GUCY2C: variants seen among roughly 807,000 people sequenced by gnomAD.
The protein encoded by GUCY2C is guanylyl cyclase C.
GUCY2C carries 118 observed loss-of-function variants against 131.1 expected under a neutral mutation model. The observed-to-expected ratio is 0.90, with a 90% CI of 0.78 to 1.05. GUCY2C has a LOEUF of 1.05. Ranked by LOEUF, GUCY2C falls within the 50% of genes least tolerant of loss-of-function variation. The pLI is 0.00. For synonymous variants in GUCY2C, 452 were observed against 457.8 expected, an observed-to-expected ratio of 0.99 and a Z score of 0.16; for missense variants, 1,161 against 1,304.4, an observed-to-expected ratio of 0.89 and a Z score of 1.69.
chr12:14,694,186 G>C (rs1006603151), intron 1 of GUCY2C, among the ~76,000 whole-genome samples: 1 of 152,170 alleles, frequency 6.6e-6, no homozygotes, highest in African/African-American at 2.4e-5. Flanking sequence ...GTTGTGAATG[G>C]TCTGGCTGGA....
intron 9 of GUCY2C, among the ~76,000 whole-genome samples, chr12:14,670,910 G>A (rs1592133210): frequency 6.6e-6 from 1 of 151,512 alleles, no homozygotes; most frequent in Admixed American, 6.6e-5. Context: ...ATGGTGGAGG[G>A]TGAAAGGCAC....
intron 10 of GUCY2C, among the ~76,000 whole-genome samples, chr12:14,668,426 CCCAAAGTG>C (rs1948030113): frequency 6.6e-6 from 1 of 152,118 alleles, no homozygotes; most frequent in South Asian, 2.1e-4. Context: ...ACTTCAGCCT[CCCAAAGTG>C]CTGGGATTAC....
At position 14,657,752 on chromosome 12, in the gene GUCY2C, C is replaced by G. The variant is rs183725205; in HGVS notation, c.1365-1135G>C. 6.8e-4 allele frequency among the ~76,000 whole-genome samples: 103 copies of G among 152,208 alleles called. 1 individual carries two copies. In the East Asian group the frequency reaches 0.018, roughly 26 times the overall value. ...GAGGTGGAACAGTTTCATCTCAAAA[C>G]TCTCCCCACCCCCAAAAATTGTTTT... On this transcript the variant is annotated intron_variant, in intron 11 of 26. Transcript: ENST00000261170.
At chr12:14,662,157 G>A (rs1947880814) in intron 10 of GUCY2C, among the ~76,000 whole-genome samples, 1 of 152,152 alleles carries the variant, frequency 6.6e-6, no homozygotes, top group Non-Finnish European at 1.5e-5. Flanking sequence ...GAATGTGTAA[G>A]AAGCTGGGAA....
At position 14,686,181 on chromosome 12, in the gene GUCY2C, T is replaced by G. The variant is rs1471281012; in HGVS notation, c.375A>C (p.Thr125=). Residue 125 remains threonine (T), a synonymous_variant, in exon 3 of 27, where the codon ACA becomes ACC. Transcript: ENST00000261170. ...CTTACTACATCTGGAAGGTGGAGTA[T>G]GTACATGAGGGCCCTATGAGGACAC... ...MGCVLIGPSC[T]YSTFQMYLDT... 1 of 1,603,230 alleles carries G rather than the reference T, an allele frequency of 6.2e-7. No homozygotes were observed. Among genetic ancestry groups the G allele is most frequent in the Non-Finnish European group, 8.5e-7 (1 of 1,170,104 alleles).
In GUCY2C at chr12:14,688,965, C is replaced by T. The variant is rs975769192; in HGVS notation, c.218-902G>A. 2.6e-5 allele frequency among the ~76,000 whole-genome samples: 4 copies of T among 152,238 alleles called. No homozygotes were observed. In the East Asian group the frequency reaches 7.7e-4, roughly 29 times the overall value. On this transcript the variant is annotated intron_variant, in intron 1 of 26. Coordinates refer to ENST00000261170, the MANE Select transcript of GUCY2C (RefSeq NM_004963.4). ...GCCACACCGTGCATGACCATGTGGA[C>T]GTTAGTAAGTGCTTTCAATTTATTC...
chr12:14,615,005 T>C (rs1173964290), intron 25 of GUCY2C, 62 bp from the exon 26 acceptor site: 1 of 790,070 alleles, frequency 1.3e-6, no homozygotes, highest in Non-Finnish European at 2.0e-6. Flanking sequence ...TGTAGACCAC[T>C]GTTTCCATAA....
chr12:14,635,446 G>C (rs1448981035), intron 19 of GUCY2C, among the ~76,000 whole-genome samples: 1 of 151,816 alleles, frequency 6.6e-6, no homozygotes, highest in Non-Finnish European at 1.5e-5. Flanking sequence ...ACAACTTATG[G>C]GATACAGCGA....
intron 1 of GUCY2C, among the ~76,000 whole-genome samples, chr12:14,693,784 G>A (rs1219072876): frequency 6.6e-6 from 1 of 152,210 alleles, no homozygotes; most frequent in Non-Finnish European, 1.5e-5. Flanking sequence ...TTTTACAAAT[G>A]ACTTGAGTGA....
intron 15 of GUCY2C, among the ~76,000 whole-genome samples, chr12:14,650,251 T>C (rs1050179921): frequency 3.9e-5 from 6 of 152,146 alleles, no homozygotes; most frequent in South Asian, 2.1e-4. Flanking sequence ...TTATTATTAT[T>C]CATTTATTTA....
chr12:14,625,391 G>C lies in GUCY2C; in HGVS notation c.2408+366C>G, dbSNP rs942055288. On this transcript the variant is annotated intron_variant, in intron 21 of 26. Transcript: ENST00000261170. ...CACCCAGGCTGGAGTGCAGTGGCGC[G>C]ATCTTGGCTCACTGCAACCTCCGCA... Among the ~76,000 whole-genome samples, 4 of 149,254 alleles carry C rather than the reference G, an allele frequency of 2.7e-5. No individual in the cohort carries two copies. The East Asian group carries it at 7.9e-4, about 29-fold the overall frequency.
In GUCY2C at chr12:14,681,337, T is replaced by C. The variant is rs981555182; in HGVS notation, c.733+19A>G. ...AAAGAAGAAGTTAGCAAAAAACAAT[T>C]ATCTTCATGTCTTCTTACCATTGCT... On this transcript the variant is annotated intron_variant, in intron 5 of 26. Transcript: ENST00000261170. 2 of 1,609,386 alleles carry C rather than the reference T, an allele frequency of 1.2e-6. No homozygotes were observed. Among genetic ancestry groups the C allele is most frequent in the South Asian group, 2.2e-5 (2 of 90,714 alleles).
intron 10 of GUCY2C, among the ~76,000 whole-genome samples, chr12:14,666,260 C>A (rs1334832425): frequency 6.6e-6 from 1 of 152,200 alleles, no homozygotes; most frequent in East Asian, 1.9e-4. Context: ...ACAATGACAC[C>A]CCCACACATG....
Position 14,672,879 on chromosome 12 carries a change from G to T in GUCY2C, c.1164C>A (p.Thr388=). The change falls in exon 9 of 27, where the codon ACC becomes ACA. Residue 388 remains threonine (T), a synonymous_variant. Coordinates refer to ENST00000261170, the MANE Select transcript of GUCY2C (RefSeq NM_004963.4). ...TMVLLYTSVD[T]KKYKVLLTYD... ...GATAAGCAGTGAGACATACTTTCTT[G>T]GTGTCCACAGAGGTATACAGAAGCA... 6.3e-7 allele frequency: 1 copy of T among 1,581,736 alleles called. No homozygotes were observed. The highest frequency in any genetic ancestry group is 1.7e-5 in the Admixed American group (1 of 59,846).
intron 19 of GUCY2C, among the ~76,000 whole-genome samples, chr12:14,632,105 T>C (rs1021225099): frequency 1.6e-4 from 24 of 152,208 alleles, no homozygotes; most frequent in Non-Finnish European, 2.9e-4. Flanking sequence ...TTGTTTGAGG[T>C]CATTGTAGAT....
At chr12:14,653,679 G>A (rs1339541372) in intron 12 of GUCY2C, among the ~76,000 whole-genome samples, 1 of 152,170 alleles carries the variant, frequency 6.6e-6, no homozygotes, top group African/African-American at 2.4e-5. Context: ...ACAGAGAAAA[G>A]GTTGGGAACA....
At chr12:14,626,249 A>G (rs1255632404) in intron 20 of GUCY2C, among the ~76,000 whole-genome samples, 1 of 152,096 alleles carries the variant, frequency 6.6e-6, no homozygotes, top group Non-Finnish European at 1.5e-5. Context: ...CTTGACTGGG[A>G]GGTGGAGGTT....
Position 14,674,723 on chromosome 12 carries a change from A to G in GUCY2C, c.986T>C (p.Ile329Thr). Residue 329 changes from isoleucine (I) to threonine (T), a missense_variant, in exon 8 of 27, where the codon ATC (isoleucine) becomes ACC (threonine). Transcript: ENST00000261170. ...RDFALAYLNG[I>T]LLFGHMLKIF... is the part of the protein sequence containing the mutation. ...CTTCAGCATATGTCCAAAGAGCAGG[A>G]TTCCATTCAAATAGGCAAGAGCAAA... 6.2e-7 allele frequency: 1 copy of G among 1,611,698 alleles called. No homozygotes were observed. The highest frequency in any genetic ancestry group is 1.3e-5 in the African/African-American group (1 of 75,012).
chr12:14,663,411 A>G (rs1253711677), intron 10 of GUCY2C, among the ~76,000 whole-genome samples: 1 of 152,136 alleles, frequency 6.6e-6, no homozygotes, highest in Non-Finnish European at 1.5e-5. Flanking sequence ...CCTCCCAAGT[A>G]TCTGGGATTA....
Sources: allele counts gnomAD v4.1 joint callset (sites outside exome capture counted in the v4.1 genomes callset), GRCh38; gene constraint gnomAD v4.1.1; transcripts MANE v1.5; gene names NCBI Gene and HGNC (gene_info 2026-07-23, HGNC 2026-07-21).